SETBP1: variants seen among roughly 807,000 people sequenced by gnomAD.
SETBP1 encodes SET-binding protein.
SETBP1 carries 9 observed loss-of-function variants against 101.0 expected under a neutral mutation model. The ratio of observed to expected loss-of-function variants is 0.09; its 90% confidence interval spans 0.05 to 0.16. SETBP1 has a LOEUF of 0.16. Ranked by LOEUF, SETBP1 falls within the 10% of genes least tolerant of loss-of-function variation. The pLI, the probability that SETBP1 is intolerant of heterozygous loss-of-function variation, is 1.00. For synonymous variants in SETBP1, 818 were observed against 788.5 expected, an observed-to-expected ratio of 1.04 and a Z score of -0.63; for missense variants, 1,858 against 2,033.8, an observed-to-expected ratio of 0.91 and a Z score of 1.66.
chr18:44,755,955 C>T (rs940170682), intron 2 of SETBP1, among the ~76,000 whole-genome samples: 3 of 152,114 alleles, frequency 2.0e-5, no homozygotes, highest in Non-Finnish European at 4.4e-5. Context: ...GTGGCTCACA[C>T]CTGTAATCCC....
chr18:44,834,696 C>G (rs2072457547), intron 2 of SETBP1, among the ~76,000 whole-genome samples: 2 of 152,168 alleles, frequency 1.3e-5, no homozygotes, highest in Admixed American at 1.3e-4. Context: ...GTGGCAAGGA[C>G]TGAGATTCAG....
intron 2 of SETBP1, among the ~76,000 whole-genome samples, chr18:44,867,638 T>G (rs1279499966): frequency 1.3e-5 from 2 of 152,086 alleles, no homozygotes; most frequent in Non-Finnish European, 2.9e-5. Flanking sequence ...GCTGTTTAAT[T>G]ATCATCAGAG....
chr18:44,817,610 G>A (rs1011457403), intron 2 of SETBP1, among the ~76,000 whole-genome samples: 2 of 151,688 alleles, frequency 1.3e-5, no homozygotes, highest in Non-Finnish European at 2.9e-5. Flanking sequence ...TCTTGAACCC[G>A]GGAGGCAGAG....
At chr18:44,686,033 G>A (rs1242594077) in intron 1 of SETBP1, among the ~76,000 whole-genome samples, 1 of 152,182 alleles carries the variant, frequency 6.6e-6, no homozygotes, top group African/African-American at 2.4e-5. Flanking sequence ...GAGAATGAGG[G>A]GGAGGTTCTC....
intron 2 of SETBP1, among the ~76,000 whole-genome samples, chr18:44,795,782 T>C (rs987449683): frequency 6.6e-6 from 1 of 152,346 alleles, no homozygotes; most frequent in Non-Finnish European, 1.5e-5. Context: ...CCTTGTTAAA[T>C]AGAACTCAGT....
intron 2 of SETBP1, among the ~76,000 whole-genome samples, chr18:44,779,356 C>A (rs966452262): frequency 1.3e-5 from 2 of 152,216 alleles, no homozygotes. Context: ...AGAGAATACT[C>A]GCCTCTGATA....
rs901951176 is a variant in SETBP1, at chr18:44,886,093, A to G, written c.540+16810A>G. Among the ~76,000 whole-genome samples, 8 of 152,104 alleles carry G rather than the reference A, an allele frequency of 5.3e-5. No homozygotes were observed. The East Asian group carries it at 1.5e-3, about 29-fold the overall frequency. ...CTCATGCACGGGAAAATTAGAAAAC[A>G]ACATGACCATGTCCCAAAGTATGTT... On this transcript the variant is annotated intron_variant, in intron 3 of 5. Transcript: ENST00000649279.
At chr18:44,822,735 C>T (rs900519871) in intron 2 of SETBP1, among the ~76,000 whole-genome samples, 6 of 152,224 alleles carry the variant, frequency 3.9e-5, no homozygotes, top group Non-Finnish European at 5.9e-5. Context: ...ATGACAATGG[C>T]TATTCCACTA....
chr18:45,013,858 A>C (rs2072890352), intron 4 of SETBP1, among the ~76,000 whole-genome samples: 1 of 152,154 alleles, frequency 6.6e-6, no homozygotes, highest in Admixed American at 6.5e-5. Context: ...AAACTCACCC[A>C]CCATGTTTCT....
At chr18:44,887,681 A>G (rs1329073106) in intron 3 of SETBP1, among the ~76,000 whole-genome samples, 1 of 152,164 alleles carries the variant, frequency 6.6e-6, no homozygotes, top group Non-Finnish European at 1.5e-5. Flanking sequence ...TACAGGAGCA[A>G]GGACAAGCTA....
chr18:44,707,105 G>T (rs1286421737), intron 2 of SETBP1, among the ~76,000 whole-genome samples: 1 of 152,212 alleles, frequency 6.6e-6, no homozygotes, highest in Non-Finnish European at 1.5e-5. Context: ...TGCTTCAAAG[G>T]AGGAGGAGCT....
intron 2 of SETBP1, among the ~76,000 whole-genome samples, chr18:44,785,855 AG>A (rs1169787045): frequency 2.6e-5 from 4 of 152,228 alleles, no homozygotes; most frequent in Admixed American, 6.5e-5. Context: ...CAGACCTGAA[AG>A]GATGGTATCA....
chr18:45,053,077 G>C (rs1344652258), intron 5 of SETBP1, among the ~76,000 whole-genome samples: 1 of 152,086 alleles, frequency 6.6e-6, no homozygotes, highest in Non-Finnish European at 1.5e-5. Context: ...AGTGTTTAAG[G>C]GAGTTAATTG....
chr18:44,699,041 T>A (rs1326797303), intron 1 of SETBP1, among the ~76,000 whole-genome samples: 1 of 152,212 alleles, frequency 6.6e-6, no homozygotes, highest in East Asian at 1.9e-4. Context: ...CATCTAAAGT[T>A]TAGAGTTCAC....
intron 3 of SETBP1, among the ~76,000 whole-genome samples, chr18:44,904,452 G>A (rs2070126183): frequency 6.6e-6 from 1 of 152,104 alleles, no homozygotes; most frequent in South Asian, 2.1e-4. Flanking sequence ...CCTCTTTATA[G>A]TGTTTTTCTC....
intron 3 of SETBP1, among the ~76,000 whole-genome samples, chr18:44,892,998 T>C (rs2069808230): frequency 6.6e-6 from 1 of 152,192 alleles, no homozygotes; most frequent in South Asian, 2.1e-4. Flanking sequence ...ATAGGGTGAT[T>C]GTTAGCAGCC....
intron 3 of SETBP1, among the ~76,000 whole-genome samples, chr18:44,934,207 G>A (rs2145008625): frequency 6.6e-6 from 1 of 150,716 alleles, no homozygotes; most frequent in East Asian, 1.9e-4. Flanking sequence ...GGAGTGCAGT[G>A]GTGCAATCTC....
intron 4 of SETBP1, among the ~76,000 whole-genome samples, chr18:45,021,465 G>A (rs370078704): frequency 1.3e-5 from 2 of 152,142 alleles, no homozygotes; most frequent in East Asian, 1.9e-4. Context: ...CCAATGAAAT[G>A]TTCACCCTCT....
intron 2 of SETBP1, among the ~76,000 whole-genome samples, chr18:44,856,481 A>C (rs908075868): frequency 3.9e-5 from 6 of 152,214 alleles, no homozygotes; most frequent in Non-Finnish European, 7.3e-5. Flanking sequence ...TGGGATGATT[A>C]TGTGAGATCA....
Sources: allele counts gnomAD v4.1 joint callset (sites outside exome capture counted in the v4.1 genomes callset), GRCh38; gene constraint gnomAD v4.1.1; transcripts MANE v1.5; gene names NCBI Gene and HGNC (gene_info 2026-07-23, HGNC 2026-07-21).